PAK1: variants seen among roughly 807,000 people sequenced by gnomAD.
The protein encoded by PAK1 is serine/threonine-protein kinase PAK 1.
PAK1 carries 29 observed loss-of-function variants against 67.4 expected under a neutral mutation model. The observed-to-expected ratio is 0.43, with a 90% confidence interval of 0.32 to 0.59. PAK1 has a LOEUF of 0.59. Among genes scored for constraint, PAK1 ranks in the 20% least tolerant of loss-of-function variants. The pLI is 0.07. For synonymous variants in PAK1, 223 were observed against 237.4 expected, an observed-to-expected ratio of 0.94 and a Z score of 0.56; for missense variants, 337 against 670.7, an observed-to-expected ratio of 0.50 and a Z score of 5.50.
the PAK1 span, among the ~76,000 whole-genome samples, chr11:77,480,737 A>G: frequency 3.3e-3 from 505 of 152,114 alleles, 2 homozygotes; most frequent in Admixed American, 4.6e-3. Flanking sequence ...TTGGCCAGAC[A>G]GGTCTTGAGC....
chr11:77,521,635 G>A, the PAK1 span, among the ~76,000 whole-genome samples: 1 of 152,302 alleles, frequency 6.6e-6, no homozygotes, highest in East Asian at 1.9e-4. Context: ...ACAAGGGAAA[G>A]AAAAGGATGT....
intron 9 of PAK1, among the ~76,000 whole-genome samples, chr11:77,346,254 G>A (rs1944401847): frequency 6.6e-6 from 1 of 152,202 alleles, no homozygotes; most frequent in Non-Finnish European, 1.5e-5. Flanking sequence ...TTACAGGCAT[G>A]AGCAACCGCG....
chr11:77,327,110 G>A (rs1940142654), intron 14 of PAK1, among the ~76,000 whole-genome samples: 1 of 152,184 alleles, frequency 6.6e-6, no homozygotes, highest in Admixed American at 6.5e-5. Flanking sequence ...AACGAACAAA[G>A]CCTCCAAGAA....
At chr11:77,519,487 T>C in the PAK1 span, among the ~76,000 whole-genome samples, 5 of 152,344 alleles carry the variant, frequency 3.3e-5, no homozygotes, top group African/African-American at 4.8e-5. Context: ...AAGAGGTACA[T>C]ACTGTCTGGC....
chr11:77,381,784 T>A (rs1259705214), intron 2 of PAK1, among the ~76,000 whole-genome samples: 3 of 152,234 alleles, frequency 2.0e-5, no homozygotes, highest in Admixed American at 6.5e-5. Flanking sequence ...AACCCAGGTC[T>A]GATTCCAAAC....
At chr11:77,335,754 A>G (rs912378872) in intron 13 of PAK1, among the ~76,000 whole-genome samples, 5 of 152,172 alleles carry the variant, frequency 3.3e-5, no homozygotes, top group Non-Finnish European at 7.4e-5. Flanking sequence ...TCTACTCTAA[A>G]ATAGCACACC....
chr11:77,469,648 CA>C (rs2135558823), intron 1 of PAK1, among the ~76,000 whole-genome samples: 1 of 150,260 alleles, frequency 6.7e-6, no homozygotes, highest in South Asian at 2.1e-4. Flanking sequence ...CTACAAATTA[CA>C]ACATTACCCC....
At chr11:77,331,309 C>A (rs1941452874) in intron 14 of PAK1, among the ~76,000 whole-genome samples, 1 of 152,228 alleles carries the variant, frequency 6.6e-6, no homozygotes. Context: ...GATTATAAAT[C>A]ATGCTGCTGT....
chr11:77,425,396 G>A (rs557019215), intron 1 of PAK1, among the ~76,000 whole-genome samples: 1 of 152,022 alleles, frequency 6.6e-6, no homozygotes, highest in South Asian at 2.1e-4. Flanking sequence ...GGCACCTTCT[G>A]TAAGAATTGA....
chr11:77,515,419 A>T, the PAK1 span, among the ~76,000 whole-genome samples: 1 of 152,224 alleles, frequency 6.6e-6, no homozygotes, highest in East Asian at 1.9e-4. Context: ...CCCTGAAGGA[A>T]TGTGGAGCAT....
At chr11:77,430,140 G>A (rs552574388) in intron 1 of PAK1, among the ~76,000 whole-genome samples, 9 of 152,114 alleles carry the variant, frequency 5.9e-5, no homozygotes, top group South Asian at 2.1e-4. Context: ...TAGGGCTTGT[G>A]TGGTGCCAAA....
At chr11:77,365,726 G>A (rs1388118286) in intron 5 of PAK1, among the ~76,000 whole-genome samples, 1 of 151,730 alleles carries the variant, frequency 6.6e-6, no homozygotes, top group African/African-American at 2.4e-5. Flanking sequence ...CCAGCTACTC[G>A]GGCGGCTGAG....
At chr11:77,493,481 G>T in the PAK1 span, among the ~76,000 whole-genome samples, 1 of 116,286 alleles carries the variant, frequency 8.6e-6, no homozygotes, top group Admixed American at 1.0e-4. Context: ...TTTTAGTAGA[G>T]ACGGTTTCGC....
At chr11:77,437,922 G>A (rs1956200109) in intron 1 of PAK1, among the ~76,000 whole-genome samples, 1 of 152,122 alleles carries the variant, frequency 6.6e-6, no homozygotes, top group African/African-American at 2.4e-5. Context: ...CTGGAACTGA[G>A]GTCTCCTGAT....
At chr11:77,493,458 T>TG in the PAK1 span, among the ~76,000 whole-genome samples, 975 of 138,874 alleles carry the variant, frequency 7.0e-3, 20 homozygotes, top group African/African-American at 0.025. Context: ...TTTTTTTTTT[T>TG]TTTTTTTTTT....
chr11:77,408,569 A>T (rs1370220387), intron 1 of PAK1, among the ~76,000 whole-genome samples: 9 of 149,166 alleles, frequency 6.0e-5, no homozygotes, highest in African/African-American at 1.0e-4. Flanking sequence ...ACACACACAC[A>T]CTCCACATTC....
intron 4 of PAK1, among the ~76,000 whole-genome samples, chr11:77,377,142 G>A (rs1287377506): frequency 1.3e-5 from 2 of 152,136 alleles, no homozygotes; most frequent in Admixed American, 1.3e-4. Flanking sequence ...GGGGGTGGTG[G>A]TGCATGCCTG....
At chr11:77,378,167 G>A (rs931152884) in intron 4 of PAK1, among the ~76,000 whole-genome samples, 9 of 152,176 alleles carry the variant, frequency 5.9e-5, no homozygotes, top group Non-Finnish European at 8.8e-5. Flanking sequence ...TAAAAGATTA[G>A]CCCACTATTA....
intron 14 of PAK1, among the ~76,000 whole-genome samples, chr11:77,331,625 G>A (rs367723838): frequency 8.5e-5 from 13 of 152,190 alleles, no homozygotes; most frequent in Admixed American, 2.0e-4. Context: ...TCACACACCC[G>A]GGACTGTTGT....
Sources: allele counts gnomAD v4.1 joint callset (sites outside exome capture counted in the v4.1 genomes callset), GRCh38; gene constraint gnomAD v4.1.1; transcripts MANE v1.5; gene names NCBI Gene and HGNC (gene_info 2026-07-23, HGNC 2026-07-21).